The following RASL10B variants were observed in gnomAD, a reference collection of about 807,000 sequenced individuals.
RASL10B encodes ras-like protein family member 10B.
In RASL10B, 10 loss-of-function variants were observed where a neutral mutation model predicts 20.7. The ratio of observed to expected loss-of-function variants is 0.48; its 90% confidence interval spans 0.30 to 0.82. The LOEUF is 0.82. RASL10B is among the 40% of genes least tolerant of loss of function. RASL10B has a pLI of 0.07. For missense variants in RASL10B, 231 were observed against 295.4 expected (o/e 0.78, Z 1.60); for synonymous variants, 110 against 123.3 (o/e 0.89, Z 0.72).
intron 2 of RASL10B, among the ~76,000 whole-genome samples, chr17:35,737,592 A>G (rs2085601456): frequency 6.6e-6 from 1 of 152,130 alleles, no homozygotes; most frequent in Non-Finnish European, 1.5e-5. Flanking sequence ...CTGGATCACA[A>G]TGCCTGGAAA....
chr17:35,736,673 A>T (rs2085594483), intron 2 of RASL10B: 3 of 152,200 alleles, frequency 2.0e-5, no homozygotes, highest in Admixed American at 2.0e-4. Context: ...AGCTTTGTTG[A>T]TTTCATCTTG....
At chr17:35,737,055 C>G (rs1218133067) in intron 2 of RASL10B, 10 of 152,192 alleles carry the variant, frequency 6.6e-5, no homozygotes, top group Admixed American at 6.5e-4. Flanking sequence ...CGCCTGGTCT[C>G]TTATCCATAC....
chr17:35,737,900 C>CAAAAA (rs11351393), intron 2 of RASL10B, among the ~76,000 whole-genome samples: 1 of 97,730 alleles, frequency 1.0e-5, no homozygotes, highest in Non-Finnish European at 2.4e-5. Context: ...GGCCCTGTCT[C>CAAAAA]AAAAAAAAAA....
chr17:35,732,477 G>C (rs1402902710), intron 1 of RASL10B, among the ~76,000 whole-genome samples: 1 of 152,240 alleles, frequency 6.6e-6, no homozygotes, highest in Non-Finnish European at 1.5e-5. Context: ...ACTCAGCCAA[G>C]GGTGTTGGAT....
At chr17:35,740,375 G>A in intron 2 of RASL10B, 34 bp from the exon 3 acceptor site, 1 of 1,608,234 alleles carries the variant, frequency 6.2e-7, no homozygotes, top group Non-Finnish European at 8.5e-7. Flanking sequence ...CCTCATGGCT[G>A]CTCTGACCCT....
In RASL10B at chr17:35,739,873, A is replaced by T. The variant is rs587725188; in HGVS notation, c.217-536A>T. Among the ~76,000 whole-genome samples the T allele has an allele frequency of 9.8e-5, 15 of 152,314 alleles. No homozygotes were observed. The East Asian group carries it at 2.9e-3, about 29-fold the overall frequency. ...GGCTGTGGCCTTCTCAGGAGCTCAC[A>T]GCAGAAGTGGGGAACTGGAGATGGA... On this transcript the variant is annotated intron_variant, in intron 2 of 3. Coordinates refer to ENST00000603017, the MANE Select transcript of RASL10B (RefSeq NM_033315.4).
chr17:35,737,523 A>G lies in RASL10B; in HGVS notation c.216+2123A>G, dbSNP rs8080566. Among the ~76,000 whole-genome samples, 763 of 150,716 alleles carry G rather than the reference A, an allele frequency of 5.1e-3. 4 individuals carry two copies. Among genetic ancestry groups the G allele is most frequent in the African/African-American group, 0.017 (721 of 41,440 alleles). On this transcript the variant is annotated intron_variant, in intron 2 of 3. Coordinates refer to ENST00000603017, the MANE Select transcript of RASL10B (RefSeq NM_033315.4). ...GCCTTGTAGATAGGTCATTTTGAAC[A>G]TAAGTAGGTATATCTGTGGGATCAA...
intron 2 of RASL10B, among the ~76,000 whole-genome samples, chr17:35,737,498 G>C (rs587657320): frequency 1.2e-4 from 19 of 152,266 alleles, no homozygotes; most frequent in Non-Finnish European, 1.6e-4. Flanking sequence ...ACAATGAGTG[G>C]CCTTGTAGAT....
At position 35,735,484 on chromosome 17, in the gene RASL10B, C is replaced by G. The variant is rs1598388733; in HGVS notation, c.216+84C>G. On this transcript the variant is annotated intron_variant, in intron 2 of 3. Transcript: ENST00000603017. The surrounding 1 kb of genome is among the most constrained non-coding windows in gnomAD (Gnocchi z 6.7). ...GGATTCCAAACTGCTGTAGCTTGGG[C>G]CCTATTGCCAGGGCCCCATCACTGA... is the stretch of plus-strand genomic sequence containing the variant. 7.2e-7 allele frequency: 1 copy of G among 1,394,590 alleles called. No homozygotes were observed. Among genetic ancestry groups the G allele is most frequent in the Non-Finnish European group, 9.9e-7 (1 of 1,005,770 alleles). The allele number at this position is 1,394,590 out of a possible 1,614,324, so 86.4% of individuals were successfully genotyped here.
rs951456717 is a variant in RASL10B at position 35,740,958 on chromosome 17, C to A, written c.342-77C>A. The stretch of plus-strand genomic sequence containing the variant: ...AACCTACGGTGGTGGTAGTATTGGC[C>A]AGGCACAGCCTGCCCTGCTGGGAGT... On this transcript the variant is annotated intron_variant, in intron 3 of 3. Transcript: ENST00000603017. 10 of 1,295,484 alleles carry A rather than the reference C, an allele frequency of 7.7e-6. No individual in the cohort carries two copies. The African/African-American group carries it at 1.3e-4, about 17-fold the overall frequency. The allele number at this position is 1,295,484 out of a possible 1,614,324, so 80.2% of individuals were successfully genotyped here.
chr17:35,738,609 T>G (rs1266336576), intron 2 of RASL10B, among the ~76,000 whole-genome samples: 1 of 152,190 alleles, frequency 6.6e-6, no homozygotes, highest in Non-Finnish European at 1.5e-5. Context: ...CTGGACTCCC[T>G]TTCTATTGCT....
intron 2 of RASL10B, chr17:35,736,812 T>G (rs1555597275): frequency 1.3e-5 from 2 of 152,234 alleles, no homozygotes. Flanking sequence ...TGGAGTGCAG[T>G]GGCACGATCT....
At position 35,731,664 on chromosome 17, in the gene RASL10B, T is replaced by C. The variant is rs1043001168; in HGVS notation, c.-362T>C. 1.5e-3 allele frequency: 232 copies of C among 152,140 alleles called. No individual in the cohort carries two copies. The highest frequency in any genetic ancestry group is 5.4e-3 in the African/African-American group (225 of 41,510). The allele number at this position is 152,140 out of a possible 1,614,324, so 9.4% of individuals were successfully genotyped here. A position where few individuals can be genotyped will look rare whatever the true frequency, so the allele number is the denominator to read the frequency against. ...CTTCCAGCGCGAGCAGGCGGCGCGC[T>C]CCGGAGGGAGAGCTGGGGCTGGAGG... On this transcript the variant is annotated 5_prime_UTR_variant, in exon 1 of 4. Coordinates refer to ENST00000603017, the MANE Select transcript of RASL10B (RefSeq NM_033315.4).
At chr17:35,731,945 G>A (rs1303588992) in intron 1 of RASL10B, 67 bp downstream of exon 1, 2 of 150,838 alleles carry the variant, frequency 1.3e-5, no homozygotes, top group East Asian at 3.9e-4. Flanking sequence ...TCGGGGGGTC[G>A]GGCCGGGGTC....
intron 2 of RASL10B, among the ~76,000 whole-genome samples, chr17:35,740,116 G>A (rs782814510): frequency 1.5e-4 from 23 of 152,190 alleles, no homozygotes; most frequent in Non-Finnish European, 2.8e-4. Context: ...CAAAGGCCTC[G>A]ATGGATGGAT....
In RASL10B at chr17:35,734,302, G is replaced by GTAGC. The variant is rs1555596770; in HGVS notation, c.-147-734_-147-731dup. Among the ~76,000 whole-genome samples, 7 of 152,296 alleles carry GTAGC rather than the reference G, an allele frequency of 4.6e-5. No individual in the cohort carries two copies. In the South Asian group the frequency reaches 1.2e-3, roughly 27 times the overall value. On this transcript the variant is annotated intron_variant, in intron 1 of 3. Coordinates refer to ENST00000603017, the MANE Select transcript of RASL10B (RefSeq NM_033315.4). ...AAGTACTGCGACATCGTAGAAAGGAGTAGCTGCCCTTCGGGTTGTGATTGG... is the reference window on the plus strand; with the variant it reads ...AAGTACTGCGACATCGTAGAAAGGAGTAGCTAGCTGCCCTTCGGGTTGTGATTGG...
At position 35,731,793 on chromosome 17, in the gene RASL10B, G is replaced by A. The variant is rs1279014208; in HGVS notation, c.-233G>A. 6.6e-6 allele frequency: 1 copy of A among 151,926 alleles called. No homozygotes were observed. Among genetic ancestry groups the A allele is most frequent in the Non-Finnish European group, 1.5e-5 (1 of 67,958 alleles). 9.4% of individuals were successfully genotyped at this position (151,926 alleles called of 1,614,324 possible). A position where few individuals can be genotyped will look rare whatever the true frequency, so the allele number is the denominator to read the frequency against. ...CCTACTTCTCTCCCCCCGGGCGGGG[G>A]AGCCGGGGGGCAGCGCCGGAGCCCG... is the stretch of plus-strand genomic sequence containing the variant. On this transcript the variant is annotated 5_prime_UTR_variant, in exon 1 of 4. Coordinates refer to ENST00000603017, the MANE Select transcript of RASL10B (RefSeq NM_033315.4).
At chr17:35,733,604 G>A (rs2085572993) in intron 1 of RASL10B, among the ~76,000 whole-genome samples, 2 of 152,162 alleles carry the variant, frequency 1.3e-5, no homozygotes, top group Admixed American at 1.3e-4. Context: ...AGAATCCGGC[G>A]AACCCACCTG....
chr17:35,732,020 G>T (rs1461152170), intron 1 of RASL10B, 142 bp downstream of exon 1: 3 of 151,746 alleles, frequency 2.0e-5, no homozygotes, highest in Non-Finnish European at 4.4e-5. Context: ...CGGGCGGGCG[G>T]GCGGGGAAGC....
Sources: gnomAD v4.1 joint callset for allele counts (sites outside exome capture counted in the v4.1 genomes callset) on GRCh38, gnomAD v4.1.1 for gene constraint, Gnocchi (gnomAD v3.1) non-coding constraint, MANE v1.5 for transcripts, NCBI Gene and HGNC (gene_info 2026-07-23, HGNC 2026-07-21) for gene names.